The following GUCY2D variants were observed in gnomAD, a reference collection of about 807,000 sequenced individuals.
GUCY2D encodes the protein guanylate cyclase 2D, retinal.
Under a neutral mutation model 101.3 loss-of-function variants are expected in GUCY2D, and 70 were observed. The observed-to-expected ratio is 0.69, with a 90% confidence interval of 0.57 to 0.84. GUCY2D has a LOEUF of 0.84. GUCY2D is among the 40% of genes least tolerant of loss of function. The probability of loss-of-function intolerance (pLI) is 0.00; values close to 1 mark genes in which losing one functional copy is unlikely to be tolerated. For missense variants in GUCY2D, 1,460 were observed against 1,542.5 expected (o/e 0.95, Z 0.90); for synonymous variants, 688 against 670.7 (o/e 1.03, Z -0.40).
intron 19 of GUCY2D, among the ~76,000 whole-genome samples, chr17:8,017,010 T>C (rs1975992158): frequency 6.6e-6 from 1 of 152,174 alleles, no homozygotes; most frequent in Admixed American, 6.5e-5. Context: ...CCCTCTGAGA[T>C]ACCCCTCTTT....
chr17:8,003,986 T>A lies in GUCY2D; in HGVS notation c.856T>A (p.Ser286Thr). 1.2e-6 allele frequency: 2 copies of A among 1,613,588 alleles called. No homozygotes were observed. Among genetic ancestry groups the A allele is most frequent in the Admixed American group, 3.3e-5 (2 of 60,022 alleles). ...CTTCGACACGATCCACTACGCCTTGTCCCCAGGCCCGGAGGCCTTGGCCGC... is the reference window on the plus strand; with the variant it reads ...CTTCGACACGATCCACTACGCCTTGACCCCAGGCCCGGAGGCCTTGGCCGC... ...LPFDTIHYALSPGPEALAALA... is the reference protein window; with the variant it reads ...LPFDTIHYALTPGPEALAALA... The change falls in exon 3 of 20, where the codon TCC (serine) becomes ACC (threonine). Residue 286 changes from serine to threonine, a missense_variant. Physicochemically the swap from Ser to Thr is moderately conservative, Grantham distance 58 (BLOSUM62 1). Coordinates refer to ENST00000254854, the MANE Select transcript of GUCY2D (RefSeq NM_000180.4).
In GUCY2D at chr17:8,004,110, G is replaced by A. The variant is rs1477347275; in HGVS notation, c.980G>A (p.Arg327Lys). The change falls in exon 3 of 20, where the codon AGG (arginine) becomes AAG (lysine). Residue 327 changes from arginine to lysine, a missense_variant. Physicochemically the swap from Arg to Lys is conservative, Grantham distance 26. Around this residue, in one of 3 missense-constraint regions of GUCY2D, gnomAD observed 1,196 missense variants for 1,229.6 expected, o/e 0.97. Transcript: ENST00000254854. ...SEGSVLDSLR[R>K]AQERRELPSD... The stretch of plus-strand genomic sequence containing the variant: ...GGCAGCGTGCTGGACAGCCTGCGCA[G>A]GGCTCAAGAGCGCCGCGAGCTGCCC... The A allele has an allele frequency of 1.9e-6, 3 of 1,600,006 alleles. No homozygotes were observed. The highest frequency in any genetic ancestry group is 2.7e-5 in the African/African-American group (2 of 74,804).
At chr17:8,016,104 G>A in intron 17 of GUCY2D, 83 bp downstream of exon 17, 1 of 1,385,928 alleles carries the variant, frequency 7.2e-7, no homozygotes, top group South Asian at 1.2e-5. Context: ...GCAAACCTCA[G>A]CTCACCCTTC....
intron 3 of GUCY2D, 92 bp downstream of exon 3, chr17:8,004,248 C>T (rs886448919): frequency 9.1e-5 from 106 of 1,159,434 alleles, no homozygotes; most frequent in Non-Finnish European, 1.2e-4. Context: ...GGAGAAAGAA[C>T]CACTGGCAGC....
chr17:8,008,834 C>T (rs1382708334), intron 7 of GUCY2D, among the ~76,000 whole-genome samples: 2 of 152,246 alleles, frequency 1.3e-5, no homozygotes, highest in East Asian at 1.9e-4. Flanking sequence ...TTTCCAAATG[C>T]TCCTTAGGGG....
At position 8,020,246 on chromosome 17, in the gene GUCY2D, T is replaced by C. The variant is rs2816; in HGVS notation, c.*143T>C. ...ACACTGCATTGCTGGGCTGTGTTCCTCGGGCTCTTCTGGACCTTGCACCGT... is the reference window on the plus strand; with the variant it reads ...ACACTGCATTGCTGGGCTGTGTTCCCCGGGCTCTTCTGGACCTTGCACCGT... On this transcript the variant is annotated 3_prime_UTR_variant, in exon 20 of 20. Transcript: ENST00000254854. The C allele has an allele frequency of 0.68, 102,456 of 151,772 alleles. 37,052 individuals carry two copies. Among genetic ancestry groups the C allele is most frequent in the East Asian group, 0.94 (4,855 of 5,142 alleles). The allele number at this position is 151,772 out of a possible 1,614,324, so 9.4% of individuals were successfully genotyped here. A position where few individuals can be genotyped will look rare whatever the true frequency, so the allele number is the denominator to read the frequency against.
chr17:8,010,039 T>C (rs1780004816), intron 8 of GUCY2D, among the ~76,000 whole-genome samples: 1 of 152,086 alleles, frequency 6.6e-6, no homozygotes, highest in Non-Finnish European at 1.5e-5. Context: ...CATTATTCTC[T>C]GCCACACCAC....
chr17:8,018,871 C>G (rs1976023134), intron 19 of GUCY2D, among the ~76,000 whole-genome samples: 1 of 151,146 alleles, frequency 6.6e-6, no homozygotes, highest in African/African-American at 2.4e-5. Context: ...ATGACTTCCA[C>G]AAGCTTAGTG....
chr17:8,012,359 C>A lies in GUCY2D; in HGVS notation c.1956+9C>A. ...TGCTGGACCTTATCAAGGTGTGTGT[C>A]TGGGGGTGGTGGGGTGACGTCCTGG... On this transcript the variant is annotated intron_variant, in intron 9 of 19. Transcript: ENST00000254854. 6.3e-7 allele frequency: 1 copy of A among 1,585,656 alleles called. No individual in the cohort carries two copies. Among genetic ancestry groups the A allele is most frequent in the Non-Finnish European group, 8.6e-7 (1 of 1,158,732 alleles).
chr17:8,016,058 C>A, intron 17 of GUCY2D, 37 bp downstream of exon 17: 4 of 1,543,766 alleles, frequency 2.6e-6, no homozygotes, highest in Non-Finnish European at 3.5e-6. Context: ...GAGGCCCCGC[C>A]CTGTCCTGAG....
At position 8,016,324 on chromosome 17, in the gene GUCY2D, C is replaced by T. The variant is rs917040400; in HGVS notation, c.3224+34C>T. On this transcript the variant is annotated intron_variant, in intron 18 of 19. Transcript: ENST00000254854. ...CCGGCCTCCGCGGCAGGGCGAGGGA[C>T]GAGGGACCCCTGCCTCCTGCTCTGT... 27 of 1,483,756 alleles carry T rather than the reference C, an allele frequency of 1.8e-5. No homozygotes were observed. In the Admixed American group the frequency reaches 4.7e-4, roughly 26 times the overall value. 91.9% of individuals were successfully genotyped at this position (1,483,756 alleles called of 1,614,324 possible).
chr17:8,008,017 C>A lies in GUCY2D; in HGVS notation c.1653C>A (p.Asn551Lys). 1.2e-6 allele frequency: 2 copies of A among 1,609,214 alleles called. No homozygotes were observed. Among genetic ancestry groups the A allele is most frequent in the Non-Finnish European group, 1.7e-6 (2 of 1,175,708 alleles). Reference sequence around the variant, plus strand: ...CCAGCCAACACTTGGACAGCCCCAACATTGGTGTCTATGAGGTGAGCCTGA... The same window carrying A: ...CCAGCCAACACTTGGACAGCCCCAAAATTGGTGTCTATGAGGTGAGCCTGA... ...SGPSQHLDSP[N>K]IGVYEGDRVW... Residue 551 changes from asparagine to lysine, a missense_variant, in exon 7 of 20, where the codon AAC (asparagine) becomes AAA (lysine). By Grantham distance (94) the Asn-to-Lys change is moderately conservative. Coordinates refer to ENST00000254854, the MANE Select transcript of GUCY2D (RefSeq NM_000180.4).
rs775878558 is a variant in GUCY2D at position 8,014,789 on chromosome 17, G to T, written c.2576+25G>T. The T allele has an allele frequency of 2.5e-6, 4 of 1,610,224 alleles. No homozygotes were observed. The East Asian group carries it at 6.7e-5, about 27-fold the overall frequency. ...CGTGGGTGCCAGTGGGAAGGGGTGG[G>T]CTGGGAGGGCAGCTGGAGCCCAGCC... is the stretch of plus-strand genomic sequence containing the variant. On this transcript the variant is annotated intron_variant, in intron 13 of 19. Transcript: ENST00000254854. This position sits in a 1 kb window ranked among gnomAD's most constrained non-coding sequence, Gnocchi z 4.0.
At chr17:8,008,605 C>T (rs553310926) in intron 7 of GUCY2D, among the ~76,000 whole-genome samples, 21 of 152,234 alleles carry the variant, frequency 1.4e-4, no homozygotes, top group Admixed American at 3.9e-4. Context: ...AGCTCCTGGG[C>T]TTCAGGTCAT....
At chr17:8,007,559 GTCT>G in intron 6 of GUCY2D, 31 bp downstream of exon 6, 1 of 1,399,870 alleles carries the variant, frequency 7.1e-7, no homozygotes, top group Non-Finnish European at 1.0e-6. Flanking sequence ...GGAGCCAGTT[GTCT>G]TCTTTCCGTA....
chr17:8,010,944 C>T (rs973883766), intron 8 of GUCY2D, among the ~76,000 whole-genome samples: 1 of 152,114 alleles, frequency 6.6e-6, no homozygotes, highest in African/African-American at 2.4e-5. Context: ...AGGGCACTGT[C>T]CTGCAGAGCA....
rs1254377519 is a variant in GUCY2D, at chr17:8,013,346, T to A, written c.2263+94T>A. ...CTCTTTCCTCTAAAGCAAAGCCCAG[T>A]GATGAAACTCAATTATACGGAGGCC... On this transcript the variant is annotated intron_variant, in intron 11 of 19. Coordinates refer to ENST00000254854, the MANE Select transcript of GUCY2D (RefSeq NM_000180.4). This position sits in a 1 kb window ranked among gnomAD's most constrained non-coding sequence, Gnocchi z 5.0. 7.8e-7 allele frequency: 1 copy of A among 1,289,028 alleles called. No homozygotes were observed. Among genetic ancestry groups the A allele is most frequent in the Non-Finnish European group, 1.1e-6 (1 of 905,330 alleles). 79.8% of individuals were successfully genotyped at this position (1,289,028 alleles called of 1,614,324 possible). A position where few individuals can be genotyped will look rare whatever the true frequency, so the allele number is the denominator to read the frequency against.
At chr17:8,005,359 C>T (rs1040164789) in intron 3 of GUCY2D, among the ~76,000 whole-genome samples, 1 of 152,172 alleles carries the variant, frequency 6.6e-6, no homozygotes, top group Non-Finnish European at 1.5e-5. Context: ...CCCTGTCATG[C>T]CCCTGTTCAA....
Position 8,006,534 on chromosome 17 carries a change from C to A in GUCY2D, c.1198C>A (p.Pro400Thr). 6.2e-7 allele frequency: 1 copy of A among 1,611,832 alleles called. No homozygotes were observed. ...CGGGGACCTAGGAGGAGACGAGGAG[C>A]CCCCATTCGTGCTGCTAGACACGGA... ...FCGDLGGDEE[P>T]PFVLLDTDAA... The change falls in exon 4 of 20, where the codon CCC (proline) becomes ACC (threonine). Residue 400 changes from proline (P) to threonine (T), a missense_variant. This residue lies in a region of GUCY2D where 1,196 missense variants were observed against 1,229.6 expected (regional missense o/e 0.97). Coordinates refer to ENST00000254854, the MANE Select transcript of GUCY2D (RefSeq NM_000180.4).
Sources: allele counts gnomAD v4.1 joint callset (sites outside exome capture counted in the v4.1 genomes callset), GRCh38; gene constraint gnomAD v4.1.1; regional missense constraint gnomAD v4.1.1; non-coding constraint Gnocchi (gnomAD v3.1); transcripts MANE v1.5; gene names NCBI Gene and HGNC (gene_info 2026-07-23, HGNC 2026-07-21).